Variants in PEBP1 observed in about 807,000 individuals in gnomAD.
The protein encoded by PEBP1 is phosphatidylethanolamine binding protein 1.
A neutral mutation model predicts 22.7 loss-of-function variants in PEBP1; 17 were observed. The observed-to-expected ratio is 0.75, with a 90% CI of 0.51 to 1.12. The LOEUF (loss-of-function observed/expected upper bound fraction) is 1.12. Among genes scored for constraint, PEBP1 ranks in the 50% most tolerant of loss-of-function variants. The pLI is 0.00. For missense variants in PEBP1, 205 were observed against 243.5 expected (o/e 0.84, Z 1.05); for synonymous variants, 106 against 104.3 (o/e 1.02, Z -0.10).
chr12:118,137,201 T>G (rs1030780663), intron 1 of PEBP1, among the ~76,000 whole-genome samples: 29 of 152,134 alleles, frequency 1.9e-4, no homozygotes, highest in African/African-American at 7.0e-4. Flanking sequence ...AACCTCCTGA[T>G]CACCAAATCC....
intron 1 of PEBP1, among the ~76,000 whole-genome samples, chr12:118,137,452 G>C (rs1025240677): frequency 1.3e-5 from 2 of 152,150 alleles, no homozygotes; most frequent in African/African-American, 4.8e-5. Context: ...TCAGGAGGCT[G>C]AGGTGGGAGG....
rs1238375039 is a variant in PEBP1, at chr12:118,136,353, G to A, written c.135+9G>A. ...TGCTGACGCCCACCCAGGTACACCG[G>A]GCGGCGGGCGTGCAGCGAGCGGCAC... On this transcript the variant is annotated intron_variant, in intron 1 of 3. Transcript: ENST00000261313. This position sits in a 1 kb window ranked among gnomAD's most constrained non-coding sequence, Gnocchi z 5.6. The A allele has an allele frequency of 3.3e-6, 5 of 1,537,874 alleles. No individual in the cohort carries two copies. The highest frequency in any genetic ancestry group is 2.2e-4 in the Middle Eastern group (1 of 4,448).
At chr12:118,143,149 A>T (rs1355858588) in intron 3 of PEBP1, among the ~76,000 whole-genome samples, 1 of 152,072 alleles carries the variant, frequency 6.6e-6, no homozygotes, top group East Asian at 1.9e-4. Context: ...ACCATGCCCG[A>T]CCACTACATT....
chr12:118,145,054 T>A lies in PEBP1; in HGVS notation c.*251T>A. The A allele has an allele frequency of 7.1e-7, 1 of 1,401,722 alleles. No homozygotes were observed. Among genetic ancestry groups the A allele is most frequent in the Non-Finnish European group, 9.5e-7 (1 of 1,056,092 alleles). The allele number at this position is 1,401,722 out of a possible 1,614,324, so 86.8% of individuals were successfully genotyped here. A position where few individuals can be genotyped will look rare whatever the true frequency, so the allele number is the denominator to read the frequency against. On this transcript the variant is annotated 3_prime_UTR_variant, in exon 4 of 4. Coordinates refer to ENST00000261313, the MANE Select transcript of PEBP1 (RefSeq NM_002567.4). ...GTATTTTGGTACTGTGATGGGGTCA[T>A]CAAATTATTAATCTGAAAATAGCAA... is the stretch of plus-strand genomic sequence containing the variant.
At chr12:118,144,402 C>T (rs1031505114) in intron 3 of PEBP1, among the ~76,000 whole-genome samples, 184 bp from the exon 4 acceptor site, 5 of 152,072 alleles carry the variant, frequency 3.3e-5, no homozygotes, top group African/African-American at 1.2e-4. Flanking sequence ...GCGGTTTTTG[C>T]CATTAATGTG....
chr12:118,137,205 CA>C (rs1396395858), intron 1 of PEBP1, among the ~76,000 whole-genome samples: 1 of 152,132 alleles, frequency 6.6e-6, no homozygotes, highest in African/African-American at 2.4e-5. Context: ...TCCTGATCAC[CA>C]AATCCAGAAA....
chr12:118,137,802 C>A (rs769842363), intron 1 of PEBP1, among the ~76,000 whole-genome samples: 38 of 152,078 alleles, frequency 2.5e-4, no homozygotes, highest in Non-Finnish European at 8.8e-5. Flanking sequence ...ATCCTCCCAC[C>A]TCAGCCTCCC....
At position 118,139,561 on chromosome 12, in the gene PEBP1, GGTT is replaced by G. The variant is rs2034097124; in HGVS notation, c.346+14_346+16del. 1.9e-6 allele frequency: 3 copies of G among 1,577,876 alleles called. No homozygotes were observed. Among genetic ancestry groups the G allele is most frequent in the African/African-American group, 1.4e-5 (1 of 73,938 alleles). ...CCTCCCAAGGGCACAGGTTAGTAAA[GGTT>G]GTTTTTGGTGGGAGGTTGGGGAGGG... On this transcript the variant is annotated intron_variant, in intron 3 of 3. Coordinates refer to ENST00000261313, the MANE Select transcript of PEBP1 (RefSeq NM_002567.4).
At position 118,136,223 on chromosome 12, in the gene PEBP1, T is replaced by A. The variant is rs2034055943; in HGVS notation, c.14T>A (p.Leu5His). ...CTTGGCCTCGCCATGCCGGTGGACC[T>A]CAGCAAGTGGTCCGGGCCCTTGAGC... MPVD[L>H]SKWSGPLSLQ... Residue 5 changes from leucine (L) to histidine (H), a missense_variant, in exon 1 of 4, where the codon CTC (leucine) becomes CAC (histidine). Transcript: ENST00000261313. The surrounding 1 kb of genome is among the most constrained non-coding windows in gnomAD (Gnocchi z 5.6). 1.3e-6 allele frequency: 2 copies of A among 1,546,286 alleles called. No individual in the cohort carries two copies. The highest frequency in any genetic ancestry group is 2.0e-5 in the Admixed American group (1 of 50,976).
rs545532552 is a variant in PEBP1, at chr12:118,136,289, T to C, written c.80T>C (p.Val27Ala). 367 of 1,546,934 alleles carry C rather than the reference T, an allele frequency of 2.4e-4. No homozygotes were observed. The highest frequency in any genetic ancestry group is 3.1e-4 in the Non-Finnish European group (355 of 1,146,578). Residue 27 changes from valine (V) to alanine (A), a missense_variant, in exon 1 of 4, where the codon GTC becomes GCC. Transcript: ENST00000261313. The surrounding 1 kb of genome is among the most constrained non-coding windows in gnomAD (Gnocchi z 5.6). ...VDEQPQHPLH[V>A]TYAGAAVDEL... is the part of the protein sequence containing the mutation. ...GAGCAGCCGCAGCACCCGCTGCATG[T>C]CACCTACGCCGGGGCGGCGGTGGAC...
intron 3 of PEBP1, among the ~76,000 whole-genome samples, chr12:118,143,193 A>G (rs980437826): frequency 1.3e-5 from 2 of 152,144 alleles, no homozygotes; most frequent in South Asian, 2.1e-4. Flanking sequence ...TAGATTTTTC[A>G]TCTTCCCCAA....
At position 118,139,432 on chromosome 12, in the gene PEBP1, C is replaced by T. The variant is rs1208502868; in HGVS notation, c.246-19C>T. 6.4e-7 allele frequency: 1 copy of T among 1,571,120 alleles called. No individual in the cohort carries two copies. Among genetic ancestry groups the T allele is most frequent in the Admixed American group, 1.7e-5 (1 of 59,896 alleles). On this transcript the variant is annotated intron_variant, in intron 2 of 3. Transcript: ENST00000261313. ...CCCTGATCTCCTGTGGTGCTGACAT[C>T]CCGTGTTTCTTCATGCAGAGAATGG... is the stretch of plus-strand genomic sequence containing the variant.
chr12:118,136,452 C>T lies in PEBP1; in HGVS notation c.135+108C>T. 1.5e-6 allele frequency: 2 copies of T among 1,321,260 alleles called. No individual in the cohort carries two copies. The highest frequency in any genetic ancestry group is 3.0e-5 in the South Asian group (2 of 66,074). The allele number at this position is 1,321,260 out of a possible 1,614,324, so 81.8% of individuals were successfully genotyped here. ...GGCCAGGGGCGGTGGGGAGGTTCAG[C>T]CTGCGTGTGTCGAGGCCCCCCCAGG... On this transcript the variant is annotated intron_variant, in intron 1 of 3. Coordinates refer to ENST00000261313, the MANE Select transcript of PEBP1 (RefSeq NM_002567.4). This position sits in a 1 kb window ranked among gnomAD's most constrained non-coding sequence, Gnocchi z 5.6.
In PEBP1 at chr12:118,138,213, T is replaced by G. The variant is rs534999990; in HGVS notation, c.245+65T>G. 4.6e-6 allele frequency: 5 copies of G among 1,085,508 alleles called. No homozygotes were observed. The East Asian group carries it at 1.2e-4, about 27-fold the overall frequency. 67.2% of individuals were successfully genotyped at this position (1,085,508 alleles called of 1,614,324 possible). A position where few individuals can be genotyped will look rare whatever the true frequency, so the allele number is the denominator to read the frequency against. On this transcript the variant is annotated intron_variant, in intron 2 of 3. Coordinates refer to ENST00000261313, the MANE Select transcript of PEBP1 (RefSeq NM_002567.4). ...GATGAGTTATCGGGTGTAAGTCCCT[T>G]GCTGGACACAGAGAAGTAGACCTGG...
chr12:118,137,010 C>CT (rs2034068571), intron 1 of PEBP1, among the ~76,000 whole-genome samples: 1 of 152,182 alleles, frequency 6.6e-6, no homozygotes, highest in Non-Finnish European at 1.5e-5. Flanking sequence ...CTGCCCCGAC[C>CT]TTACATTGTT....
Position 118,139,544 on chromosome 12 carries a change from G to A in PEBP1, c.339G>A (p.Lys113=), listed in dbSNP as rs751755095. 1.2e-6 allele frequency: 2 copies of A among 1,610,044 alleles called. No homozygotes were observed. Among genetic ancestry groups the A allele is most frequent in the Non-Finnish European group, 1.7e-6 (2 of 1,176,974 alleles). ...ATTATGTGGGCTCGGGGCCTCCCAA[G>A]GGCACAGGTTAGTAAAGGTTGTTTT... is the stretch of plus-strand genomic sequence containing the variant. ...LSDYVGSGPP[K]GTGLHRYVWL... Residue 113 remains lysine, a synonymous_variant, in exon 3 of 4, where the codon AAG becomes AAA. Transcript: ENST00000261313.
chr12:118,138,703 C>T (rs535039887), intron 2 of PEBP1, among the ~76,000 whole-genome samples: 4 of 152,170 alleles, frequency 2.6e-5, no homozygotes, highest in Admixed American at 2.6e-4. Flanking sequence ...GCCTGGTTTT[C>T]ACATTTTTAA....
chr12:118,139,620 G>A, intron 3 of PEBP1, 69 bp downstream of exon 3: 1 of 969,002 alleles, frequency 1.0e-6, no homozygotes, highest in Non-Finnish European at 1.6e-6. Context: ...TTGACCCAAT[G>A]CTTTTCTTTT....
chr12:118,136,440 G>A lies in PEBP1; in HGVS notation c.135+96G>A. 1 of 1,397,034 alleles carries A rather than the reference G, an allele frequency of 7.2e-7. No homozygotes were observed. Among genetic ancestry groups the A allele is most frequent in the Non-Finnish European group, 9.4e-7 (1 of 1,059,652 alleles). The allele number at this position is 1,397,034 out of a possible 1,614,324, so 86.5% of individuals were successfully genotyped here. The stretch of plus-strand genomic sequence containing the variant: ...CAGCGGAGACAGGGCCAGGGGCGGT[G>A]GGGAGGTTCAGCCTGCGTGTGTCGA... On this transcript the variant is annotated intron_variant, in intron 1 of 3. Transcript: ENST00000261313. The surrounding 1 kb of genome is among the most constrained non-coding windows in gnomAD (Gnocchi z 5.6).
Sources: gnomAD v4.1 joint callset for allele counts (sites outside exome capture counted in the v4.1 genomes callset) on GRCh38, gnomAD v4.1.1 for gene constraint, Gnocchi (gnomAD v3.1) non-coding constraint, MANE v1.5 for transcripts, NCBI Gene and HGNC (gene_info 2026-07-23, HGNC 2026-07-21) for gene names.